LHFPL3: variants seen among roughly 807,000 people sequenced by gnomAD.
The protein encoded by LHFPL3 is LHFPL tetraspan subfamily member 3, also known as LHFPL tetraspan subfamily member 3 protein.
Under a neutral mutation model 19.3 loss-of-function variants are expected in LHFPL3, and 5 were observed. The ratio of observed to expected loss-of-function variants is 0.26; its 90% CI spans 0.14 to 0.54. LHFPL3 has a LOEUF of 0.54. Among genes scored for constraint, LHFPL3 ranks in the 20% least tolerant of loss-of-function variants. LHFPL3 has a pLI of 0.94. For synonymous variants in LHFPL3, 133 were observed against 126.2 expected (o/e 1.05, Z -0.36); for missense variants, 249 against 307.4 (o/e 0.81, Z 1.42).
At chr7:104,695,444 T>G (rs548515357) in intron 1 of LHFPL3, among the ~76,000 whole-genome samples, 12 of 152,218 alleles carry the variant, frequency 7.9e-5, no homozygotes, top group African/African-American at 2.9e-4. Context: ...ATAACCTTTT[T>G]TGTTGGGTCT....
chr7:104,594,366 C>A (rs1790794559), intron 1 of LHFPL3, among the ~76,000 whole-genome samples: 1 of 152,176 alleles, frequency 6.6e-6, no homozygotes, highest in Non-Finnish European at 1.5e-5. Flanking sequence ...CTATTGGCTC[C>A]CACTTTCTTC....
chr7:104,481,462 C>A (rs988490233), intron 1 of LHFPL3, among the ~76,000 whole-genome samples: 1 of 152,154 alleles, frequency 6.6e-6, no homozygotes, highest in Non-Finnish European at 1.5e-5. Context: ...TAGGCTCCAA[C>A]TACACAAAAT....
intron 1 of LHFPL3, among the ~76,000 whole-genome samples, chr7:104,464,147 T>TG (rs1274969976): frequency 6.6e-6 from 1 of 152,240 alleles, no homozygotes; most frequent in African/African-American, 2.4e-5. Flanking sequence ...TGAAATCCAA[T>TG]GGGGCAGTTA....
chr7:104,484,794 A>C (rs1475795785), intron 1 of LHFPL3, among the ~76,000 whole-genome samples: 1 of 152,198 alleles, frequency 6.6e-6, no homozygotes, highest in Non-Finnish European at 1.5e-5. Flanking sequence ...ACAGAGAGAC[A>C]GGAAGGGGGC....
intron 2 of LHFPL3, among the ~76,000 whole-genome samples, chr7:104,765,393 T>C (rs1267458758): frequency 6.6e-6 from 1 of 152,250 alleles, no homozygotes; most frequent in African/African-American, 2.4e-5. Context: ...GACCTTGCAA[T>C]ACTGTCTTGC....
At chr7:104,899,255 GCA>G (rs1165099436) in intron 2 of LHFPL3, among the ~76,000 whole-genome samples, 1 of 152,150 alleles carries the variant, frequency 6.6e-6, no homozygotes, top group African/African-American at 2.4e-5. Context: ...GGAAATTGAA[GCA>G]CAGATATGTA....
At chr7:104,449,430 C>T (rs1180430772) in intron 1 of LHFPL3, among the ~76,000 whole-genome samples, 1 of 152,084 alleles carries the variant, frequency 6.6e-6, no homozygotes, top group Non-Finnish European at 1.5e-5. Context: ...TCTAAATGTA[C>T]TTTATTTATA....
chr7:104,722,466 C>T (rs1464171209), intron 1 of LHFPL3, among the ~76,000 whole-genome samples: 3 of 152,176 alleles, frequency 2.0e-5, no homozygotes, highest in Non-Finnish European at 4.4e-5. Context: ...TAAAATTACA[C>T]TGTGTTTAAA....
chr7:104,470,332 A>T (rs923426584), intron 1 of LHFPL3, among the ~76,000 whole-genome samples: 1 of 152,188 alleles, frequency 6.6e-6, no homozygotes, highest in Non-Finnish European at 1.5e-5. Flanking sequence ...AGGCTAATCC[A>T]TATTCATCCT....
chr7:104,591,957 C>T (rs1790734176), intron 1 of LHFPL3, among the ~76,000 whole-genome samples: 1 of 152,186 alleles, frequency 6.6e-6, no homozygotes, highest in Non-Finnish European at 1.5e-5. Flanking sequence ...CCACGGTTTT[C>T]AGCTCCATCA....
intron 2 of LHFPL3, among the ~76,000 whole-genome samples, chr7:104,821,782 A>G (rs1317694264): frequency 6.6e-6 from 1 of 152,214 alleles, no homozygotes; most frequent in Non-Finnish European, 1.5e-5. Flanking sequence ...TCACAGAGAA[A>G]TGAGTAAAAT....
intron 1 of LHFPL3, among the ~76,000 whole-genome samples, chr7:104,679,676 G>A (rs769929032): frequency 1.5e-4 from 23 of 152,114 alleles, no homozygotes; most frequent in Non-Finnish European, 2.8e-4. Flanking sequence ...TTCCCCTCTT[G>A]GAGTTTTGTT....
At chr7:104,902,281 C>T (rs1341112280) in intron 2 of LHFPL3, among the ~76,000 whole-genome samples, 1 of 151,778 alleles carries the variant, frequency 6.6e-6, no homozygotes, top group Non-Finnish European at 1.5e-5. Flanking sequence ...ATGTGGGAGG[C>T]TGAGGTGGGA....
chr7:104,527,607 G>A (rs34281933), intron 1 of LHFPL3, among the ~76,000 whole-genome samples: 19,781 of 152,106 alleles, frequency 0.13, 1,440 homozygotes, highest in South Asian at 0.17. Context: ...TTATGTTTAA[G>A]TGGAAAGAAG....
intron 1 of LHFPL3, among the ~76,000 whole-genome samples, chr7:104,736,379 A>G (rs1223644487): frequency 6.6e-6 from 1 of 152,110 alleles, no homozygotes; most frequent in South Asian, 2.1e-4. Flanking sequence ...CCATTTCTTA[A>G]TATTTTCTTA....
At chr7:104,551,296 T>G (rs999527300) in intron 1 of LHFPL3, among the ~76,000 whole-genome samples, 1 of 152,226 alleles carries the variant, frequency 6.6e-6, no homozygotes, top group Admixed American at 6.5e-5. Flanking sequence ...CTTAGGAAAT[T>G]TTTCTGTTTG....
chr7:104,352,572 A>G (rs1358191075), intron 1 of LHFPL3, among the ~76,000 whole-genome samples: 3 of 152,130 alleles, frequency 2.0e-5, no homozygotes, highest in Non-Finnish European at 4.4e-5. Context: ...CCCTTTGATG[A>G]GCACTGCTTC....
At chr7:104,903,968 G>T (rs1011415721) in intron 2 of LHFPL3, among the ~76,000 whole-genome samples, 1 of 152,218 alleles carries the variant, frequency 6.6e-6, no homozygotes, top group African/African-American at 2.4e-5. Context: ...TTGCTGGGTT[G>T]AATGATAGTT....
chr7:104,381,694 T>G (rs1459028242), intron 1 of LHFPL3, among the ~76,000 whole-genome samples: 1 of 152,184 alleles, frequency 6.6e-6, no homozygotes, highest in East Asian at 1.9e-4. Flanking sequence ...TAATGGCAAC[T>G]TAGGATTGTG....
Sources: allele counts gnomAD v4.1 joint callset (sites outside exome capture counted in the v4.1 genomes callset), GRCh38; gene constraint gnomAD v4.1.1; transcripts MANE v1.5; gene names NCBI Gene and HGNC (gene_info 2026-07-23, HGNC 2026-07-21).